Variants in CHCHD6 observed in about 807,000 individuals in gnomAD.
CHCHD6 encodes the protein MICOS complex subunit MIC25.
In CHCHD6, 28 loss-of-function variants were observed where a neutral mutation model predicts 32.3. The ratio of observed to expected loss-of-function variants is 0.87; its 90% confidence interval spans 0.64 to 1.19. The LOEUF (loss-of-function observed/expected upper bound fraction) is 1.19. Among genes scored for constraint, CHCHD6 ranks in the 50% most tolerant of loss-of-function variants. The pLI, the probability that CHCHD6 is intolerant of heterozygous loss-of-function variation, is 0.00. For missense variants in CHCHD6, 333 were observed against 307.0 expected (o/e 1.08, Z -0.63); for synonymous variants, 122 against 117.5 (o/e 1.04, Z -0.25).
chr3:126,746,141 A>G (rs1201059041), intron 4 of CHCHD6, among the ~76,000 whole-genome samples: 3 of 152,224 alleles, frequency 2.0e-5, no homozygotes, highest in Middle Eastern at 3.4e-3. Context: ...GTATCAGGTA[A>G]CAAAGCTCTG....
chr3:126,704,750 C>A (rs555569777), intron 1 of CHCHD6, among the ~76,000 whole-genome samples: 1 of 152,150 alleles, frequency 6.6e-6, no homozygotes, highest in Non-Finnish European at 1.5e-5. Context: ...GTGCGCGCAT[C>A]TCGTTCTGGG....
chr3:126,837,543 G>A (rs1275133456), intron 4 of CHCHD6, among the ~76,000 whole-genome samples: 1 of 152,194 alleles, frequency 6.6e-6, no homozygotes, highest in African/African-American at 2.4e-5. Flanking sequence ...GGGTGGCAGA[G>A]CAAGACCCTG....
chr3:126,724,598 T>C (rs1935451035), intron 1 of CHCHD6, among the ~76,000 whole-genome samples: 1 of 152,138 alleles, frequency 6.6e-6, no homozygotes, highest in Admixed American at 6.5e-5. Flanking sequence ...AAGACAACAA[T>C]GAAGTTTGCC....
chr3:126,835,901 ATTTC>A (rs1222128764), intron 4 of CHCHD6, among the ~76,000 whole-genome samples: 6 of 152,074 alleles, frequency 3.9e-5, no homozygotes, highest in African/African-American at 1.4e-4. Flanking sequence ...ATCGCATATT[ATTTC>A]TTCTGTAAAG....
At chr3:126,828,806 A>C (rs982482440) in intron 4 of CHCHD6, among the ~76,000 whole-genome samples, 3 of 152,212 alleles carry the variant, frequency 2.0e-5, no homozygotes, top group Non-Finnish European at 4.4e-5. Context: ...AGGAGGCTGC[A>C]CTATTTGTAC....
chr3:126,896,418 G>A (rs2077840042), intron 5 of CHCHD6, among the ~76,000 whole-genome samples: 1 of 152,116 alleles, frequency 6.6e-6, no homozygotes, highest in African/African-American at 2.4e-5. Flanking sequence ...GCTCTGGTCA[G>A]CTCCTGGCCA....
chr3:126,708,384 A>G (rs1934599606), intron 1 of CHCHD6, among the ~76,000 whole-genome samples: 1 of 152,188 alleles, frequency 6.6e-6, no homozygotes, highest in Non-Finnish European at 1.5e-5. Flanking sequence ...AGGATGTGGC[A>G]GGTGGTGAGG....
At chr3:126,879,591 G>C (rs1312611646) in intron 5 of CHCHD6, among the ~76,000 whole-genome samples, 2 of 152,242 alleles carry the variant, frequency 1.3e-5, no homozygotes, top group African/African-American at 4.8e-5. Context: ...GAATGCTTTA[G>C]ATTAAAGGAG....
chr3:126,858,993 ACT>A (rs1941762079), intron 5 of CHCHD6, among the ~76,000 whole-genome samples: 1 of 151,968 alleles, frequency 6.6e-6, no homozygotes, highest in Non-Finnish European at 1.5e-5. Flanking sequence ...CACTTGCCAC[ACT>A]CTGTCTTGTT....
At chr3:126,923,847 T>C (rs2078286952) in intron 6 of CHCHD6, among the ~76,000 whole-genome samples, 1 of 152,192 alleles carries the variant, frequency 6.6e-6, no homozygotes, top group African/African-American at 2.4e-5. Context: ...TAGTGAGAGA[T>C]TGGAGTGTAA....
At chr3:126,853,808 T>C (rs1033188958) in intron 5 of CHCHD6, among the ~76,000 whole-genome samples, 8 of 152,224 alleles carry the variant, frequency 5.3e-5, no homozygotes, top group Non-Finnish European at 1.2e-4. Context: ...AGCAGTCTCA[T>C]GCACAGGTTT....
chr3:126,907,293 C>T (rs1404016985), intron 5 of CHCHD6, among the ~76,000 whole-genome samples: 1 of 152,122 alleles, frequency 6.6e-6, no homozygotes, highest in Non-Finnish European at 1.5e-5. Context: ...AGAGGGGTCT[C>T]CCTCTCCAGA....
At chr3:126,791,192 T>G (rs1392296508) in intron 4 of CHCHD6, among the ~76,000 whole-genome samples, 1 of 152,212 alleles carries the variant, frequency 6.6e-6, no homozygotes, top group African/African-American at 2.4e-5. Context: ...AAGTTTCATC[T>G]CAGAGGGGTA....
At chr3:126,838,892 CTTTT>C (rs1217788517) in intron 4 of CHCHD6, among the ~76,000 whole-genome samples, 1 of 139,568 alleles carries the variant, frequency 7.2e-6, no homozygotes, top group Non-Finnish European at 1.6e-5. Context: ...TTCTTTTTTC[CTTTT>C]TTTTTTTTTT....
chr3:126,823,738 A>G (rs1940253208), intron 4 of CHCHD6, among the ~76,000 whole-genome samples: 1 of 152,162 alleles, frequency 6.6e-6, no homozygotes, highest in African/African-American at 2.4e-5. Flanking sequence ...ACTCCAGTAC[A>G]GTTTTGAATA....
At chr3:126,791,572 C>T (rs1321694412) in intron 4 of CHCHD6, among the ~76,000 whole-genome samples, 1 of 152,268 alleles carries the variant, frequency 6.6e-6, no homozygotes, top group Non-Finnish European at 1.5e-5. Flanking sequence ...GGATCTCAAA[C>T]TGCTGTGCTA....
At chr3:126,796,658 C>T (rs1938806475) in intron 4 of CHCHD6, among the ~76,000 whole-genome samples, 1 of 152,090 alleles carries the variant, frequency 6.6e-6, no homozygotes, top group Non-Finnish European at 1.5e-5. Context: ...GCATTGTGCT[C>T]CTGGGGTTAG....
At chr3:126,765,685 G>A (rs1937340456) in intron 4 of CHCHD6, among the ~76,000 whole-genome samples, 1 of 152,238 alleles carries the variant, frequency 6.6e-6, no homozygotes, top group African/African-American at 2.4e-5. Context: ...TCTAATTGGT[G>A]AGTGCATGTG....
At chr3:126,751,146 AT>A (rs112307410) in intron 4 of CHCHD6, among the ~76,000 whole-genome samples, 68 of 143,970 alleles carry the variant, frequency 4.7e-4, no homozygotes, top group African/African-American at 1.0e-3. Flanking sequence ...GGGGACTGTT[AT>A]TTTTTTTTTT....
Sources: allele counts gnomAD v4.1 joint callset (sites outside exome capture counted in the v4.1 genomes callset), GRCh38; gene constraint gnomAD v4.1.1; transcripts MANE v1.5; gene names NCBI Gene and HGNC (gene_info 2026-07-23, HGNC 2026-07-21).